The following GPC5 variants were observed in gnomAD, a reference collection of about 807,000 sequenced individuals.
GPC5 encodes glypican-5.
GPC5 carries 47 observed loss-of-function variants against 53.9 expected under a neutral mutation model. The observed-to-expected ratio is 0.87, with a 90% CI of 0.69 to 1.11. The LOEUF is 1.11. Ranked by LOEUF, GPC5 falls within the 50% of genes most tolerant of loss-of-function variation. The pLI, the probability that GPC5 is intolerant of heterozygous loss-of-function variation, is 0.00. For missense variants in GPC5, 748 were observed against 713.1 expected (o/e 1.05, Z -0.56); for synonymous variants, 286 against 263.3 (o/e 1.09, Z -0.84).
intron 7 of GPC5, among the ~76,000 whole-genome samples, chr13:92,847,629 T>A (rs2138840528): frequency 6.8e-6 from 1 of 147,718 alleles, no homozygotes; most frequent in South Asian, 2.1e-4. Flanking sequence ...CATTAAACCT[T>A]TTTTTTTTTT....
At chr13:91,805,254 A>T (rs2038201749) in intron 5 of GPC5, among the ~76,000 whole-genome samples, 1 of 152,200 alleles carries the variant, frequency 6.6e-6, no homozygotes, top group South Asian at 2.1e-4. Context: ...AGCTGGAAAT[A>T]ATTAAATCTA....
chr13:92,597,277 T>A (rs187321108), intron 7 of GPC5, among the ~76,000 whole-genome samples: 2,611 of 147,934 alleles, frequency 0.018, 79 homozygotes, highest in African/African-American at 0.059. Context: ...TTTTTTTTTT[T>A]AAAAAGGATG....
At chr13:92,143,896 T>C (rs2041848230) in intron 6 of GPC5, among the ~76,000 whole-genome samples, 1 of 152,122 alleles carries the variant, frequency 6.6e-6, no homozygotes, top group Admixed American at 6.6e-5. Context: ...TTTCATAAAG[T>C]GCTGTGAAAA....
intron 7 of GPC5, among the ~76,000 whole-genome samples, chr13:92,183,024 T>C (rs1221786556): frequency 1.3e-5 from 2 of 152,184 alleles, no homozygotes; most frequent in South Asian, 4.1e-4. Flanking sequence ...ATGTTTGTTT[T>C]ATGATATATA....
intron 2 of GPC5, among the ~76,000 whole-genome samples, chr13:91,659,486 G>C (rs2034930891): frequency 1.3e-5 from 2 of 152,134 alleles, no homozygotes; most frequent in Non-Finnish European, 2.9e-5. Flanking sequence ...CTGCTTACAT[G>C]TCCCTAAGCC....
intron 5 of GPC5, among the ~76,000 whole-genome samples, chr13:91,782,508 A>G (rs2037813993): frequency 6.6e-6 from 1 of 152,082 alleles, no homozygotes; most frequent in Non-Finnish European, 1.5e-5. Context: ...ATCAGATCCC[A>G]TGAGAACTCA....
rs1020317297 is a variant in GPC5, at chr13:92,162,569, G to A, written c.1561+17580G>A. ...AATAGGGTTATGGATAACCAGGGGAGCAATCACTACAAAAACGTGAAGCAG... is the reference window on the plus strand; with the variant it reads ...AATAGGGTTATGGATAACCAGGGGAACAATCACTACAAAAACGTGAAGCAG... On this transcript the variant is annotated intron_variant, in intron 7 of 7. Coordinates refer to ENST00000377067, the MANE Select transcript of GPC5 (RefSeq NM_004466.6). Among the ~76,000 whole-genome samples, 6 of 152,288 alleles carry A rather than the reference G, an allele frequency of 3.9e-5. No individual in the cohort carries two copies. In the East Asian group the frequency reaches 9.6e-4, roughly 24 times the overall value.
rs529104989 is a variant in GPC5, at chr13:91,668,534, T to G, written c.326-24653T>G. On this transcript the variant is annotated intron_variant, in intron 2 of 7. Coordinates refer to ENST00000377067, the MANE Select transcript of GPC5 (RefSeq NM_004466.6). Reference sequence around the variant, plus strand: ...ATGTGTCATTTAGTGATGATCTTTTTGTTGTTATTTACACTTTAGAAGAAT... The same window carrying G: ...ATGTGTCATTTAGTGATGATCTTTTGGTTGTTATTTACACTTTAGAAGAAT... Among the ~76,000 whole-genome samples, 11 of 152,346 alleles carry G rather than the reference T, an allele frequency of 7.2e-5. No individual in the cohort carries two copies. In the South Asian group the frequency reaches 1.2e-3, roughly 17 times the overall value.
chr13:92,382,913 G>C (rs1460527087), intron 7 of GPC5, among the ~76,000 whole-genome samples: 1 of 148,094 alleles, frequency 6.8e-6, no homozygotes, highest in South Asian at 2.1e-4. Flanking sequence ...TGAGGCAGGA[G>C]AATAGCGCGA....
chr13:92,839,567 T>C (rs995407187), intron 7 of GPC5, among the ~76,000 whole-genome samples: 1 of 152,128 alleles, frequency 6.6e-6, no homozygotes, highest in Admixed American at 6.5e-5. Flanking sequence ...GATTTTCTGT[T>C]CCTGTGTTAG....
chr13:91,864,071 C>T (rs1011365543), intron 5 of GPC5, among the ~76,000 whole-genome samples: 17 of 152,040 alleles, frequency 1.1e-4, no homozygotes, highest in Non-Finnish European at 2.4e-4. Context: ...TCTTATTACA[C>T]TTGATTCTAA....
In GPC5 at chr13:91,564,374, A is replaced by G. The variant is rs142928373; in HGVS notation, c.325+115452A>G. On this transcript the variant is annotated intron_variant, in intron 2 of 7. Transcript: ENST00000377067. Reference sequence around the variant, plus strand: ...CTTAATCAATTCAGCCCTTGGGACAACTTGGCAAGATCTGGGTACAAACAG... The same window carrying G: ...CTTAATCAATTCAGCCCTTGGGACAGCTTGGCAAGATCTGGGTACAAACAG... Among the ~76,000 whole-genome samples, 546 of 152,322 alleles carry G rather than the reference A, an allele frequency of 3.6e-3. 1 individual carries two copies. The highest frequency in any genetic ancestry group is 5.5e-3 in the Non-Finnish European group (376 of 68,022).
rs910454046 is a variant in GPC5 at position 92,098,797 on chromosome 13, C to T, written c.1402-46033C>T. 6.6e-5 allele frequency among the ~76,000 whole-genome samples: 10 copies of T among 152,048 alleles called. 1 individual carries two copies. Among genetic ancestry groups the T allele is most frequent in the African/African-American group, 2.4e-4 (10 of 41,388 alleles). On this transcript the variant is annotated intron_variant, in intron 6 of 7. Coordinates refer to ENST00000377067, the MANE Select transcript of GPC5 (RefSeq NM_004466.6). ...CAGCTGTGTGATGCTTCCTTAGAGCCGCCACAAAACAATAGTTGTGCTTAA... is the reference window on the plus strand; with the variant it reads ...CAGCTGTGTGATGCTTCCTTAGAGCTGCCACAAAACAATAGTTGTGCTTAA...
intron 2 of GPC5, among the ~76,000 whole-genome samples, chr13:91,563,646 G>C (rs1439466378): frequency 1.3e-5 from 2 of 152,136 alleles, no homozygotes; most frequent in African/African-American, 2.4e-5. Flanking sequence ...CCATAATGAA[G>C]AATGTACATA....
Position 92,118,843 on chromosome 13 carries a change from C to A in GPC5, c.1402-25987C>A, listed in dbSNP as rs1316815271. On this transcript the variant is annotated intron_variant, in intron 6 of 7. Transcript: ENST00000377067. ...TTGGCTGGTGCCATAAGTCTATACT[C>A]AAATATTTTTAAATAATTTTTAGTT... is the stretch of plus-strand genomic sequence containing the variant. 2.6e-5 allele frequency among the ~76,000 whole-genome samples: 4 copies of A among 152,252 alleles called. No homozygotes were observed. In the South Asian group the frequency reaches 8.3e-4, roughly 32 times the overall value.
intron 3 of GPC5, among the ~76,000 whole-genome samples, chr13:91,703,029 T>C (rs1446527653): frequency 6.6e-6 from 1 of 152,038 alleles, no homozygotes; most frequent in Non-Finnish European, 1.5e-5. Context: ...TAATAAAGTT[T>C]GTTTATTATT....
intron 6 of GPC5, among the ~76,000 whole-genome samples, chr13:92,026,712 A>C (rs2040803801): frequency 6.6e-6 from 1 of 152,134 alleles, no homozygotes; most frequent in South Asian, 2.1e-4. Flanking sequence ...ATCAGGATTA[A>C]TGAAAAATTA....
In GPC5 at chr13:92,772,427, C is replaced by T. The variant is rs182834923; in HGVS notation, c.1562-93855C>T. On this transcript the variant is annotated intron_variant, in intron 7 of 7. Transcript: ENST00000377067. The stretch of plus-strand genomic sequence containing the variant: ...GCCAAACACTCTCTAACCATGGGGC[C>T]TTTGCACTTGCTGCTCTGTACATGT... Among the ~76,000 whole-genome samples, 172 of 152,328 alleles carry T rather than the reference C, an allele frequency of 1.1e-3. 4 individuals carry two copies. The highest frequency in any genetic ancestry group is 4.0e-3 in the African/African-American group (168 of 41,584).
intron 7 of GPC5, among the ~76,000 whole-genome samples, chr13:92,629,549 A>G: frequency 6.6e-6 from 1 of 152,244 alleles, no homozygotes; most frequent in South Asian, 2.1e-4. Flanking sequence ...AAAAAGTAAG[A>G]TAGTAGATAA....
Sources: gnomAD v4.1 joint callset for allele counts (sites outside exome capture counted in the v4.1 genomes callset) on GRCh38, gnomAD v4.1.1 for gene constraint, MANE v1.5 for transcripts, NCBI Gene and HGNC (gene_info 2026-07-23, HGNC 2026-07-21) for gene names.